The following MBD5 variants were observed in gnomAD, a reference collection of about 807,000 sequenced individuals.
MBD5 encodes the protein methyl-CpG-binding domain protein 5.
In MBD5, 13 loss-of-function variants were observed where a neutral mutation model predicts 117.3. The observed-to-expected ratio is 0.11, with a 90% CI of 0.07 to 0.18. The LOEUF (loss-of-function observed/expected upper bound fraction) is 0.18. Among genes scored for constraint, MBD5 ranks in the 10% least tolerant of loss-of-function variants. The pLI is 1.00. For missense variants in MBD5, 1,879 were observed against 2,093.8 expected (o/e 0.90, Z 2.00); for synonymous variants, 727 against 766.4 (o/e 0.95, Z 0.85).
intron 5 of MBD5, among the ~76,000 whole-genome samples, chr2:148,462,314 A>G (rs1376248005): frequency 6.6e-6 from 1 of 151,914 alleles, no homozygotes; most frequent in African/African-American, 2.4e-5. Flanking sequence ...CATTTTTACC[A>G]CCTTTAGTCT....
At chr2:148,343,464 A>G (rs561196686) in intron 4 of MBD5, among the ~76,000 whole-genome samples, 3 of 152,216 alleles carry the variant, frequency 2.0e-5, no homozygotes, top group East Asian at 3.9e-4. Flanking sequence ...AATAATAGCC[A>G]TTCTGACTGG....
rs183242620 is a variant in MBD5 at position 148,227,352 on chromosome 2, A to G, written c.-830-5893A>G. On this transcript the variant is annotated intron_variant, in intron 2 of 13. Coordinates refer to ENST00000642680, the MANE Select transcript of MBD5 (RefSeq NM_001378120.1). ...CATATGGCTAGCCAGTTTTCCCAGC[A>G]TCATTTATTAAATAGGGAATCCTTT... 6.5e-3 allele frequency among the ~76,000 whole-genome samples: 985 copies of G among 152,294 alleles called. 9 individuals are homozygous for G. The highest frequency in any genetic ancestry group is 0.011 in the Non-Finnish European group (745 of 68,016).
chr2:148,290,656 T>G (rs900991051), intron 3 of MBD5, among the ~76,000 whole-genome samples: 2 of 152,210 alleles, frequency 1.3e-5, no homozygotes, highest in Non-Finnish European at 2.9e-5. Context: ...AGTACAGTAT[T>G]TTTAATGTTC....
intron 1 of MBD5, among the ~76,000 whole-genome samples, chr2:148,064,358 C>G (rs1219988877): frequency 6.6e-6 from 1 of 151,606 alleles, no homozygotes; most frequent in Non-Finnish European, 1.5e-5. Flanking sequence ...CTCGTGATCC[C>G]CTCGCCTCGG....
chr2:148,472,450 C>T (rs113182817), intron 8 of MBD5: 12 of 152,122 alleles, frequency 7.9e-5, no homozygotes, highest in African/African-American at 2.4e-4. Context: ...TACTAATTAA[C>T]GTGCATAGGT....
chr2:148,401,836 G>A (rs1704932317), intron 4 of MBD5, among the ~76,000 whole-genome samples: 2 of 151,958 alleles, frequency 1.3e-5, no homozygotes, highest in Admixed American at 6.6e-5. Flanking sequence ...TAGTTTTCAT[G>A]TCTCCATCAT....
At chr2:148,494,005 T>C (rs1681611411) in intron 11 of MBD5, among the ~76,000 whole-genome samples, 1 of 152,204 alleles carries the variant, frequency 6.6e-6, no homozygotes, top group African/African-American at 2.4e-5. Flanking sequence ...AATATTAATT[T>C]CTATTCAAAG....
At chr2:148,363,437 G>A (rs559478582) in intron 4 of MBD5, among the ~76,000 whole-genome samples, 5 of 152,170 alleles carry the variant, frequency 3.3e-5, no homozygotes, top group Admixed American at 1.3e-4. Flanking sequence ...GTTTCGCTGT[G>A]TTAGCCAGGA....
intron 3 of MBD5, among the ~76,000 whole-genome samples, chr2:148,247,662 A>ATT (rs70992200): frequency 6.6e-6 from 1 of 151,678 alleles, no homozygotes; most frequent in East Asian, 1.9e-4. Context: ...AACAATTAAC[A>ATT]GTCTTTTCCT....
chr2:148,478,388 G>A (rs1356582152), intron 8 of MBD5, among the ~76,000 whole-genome samples: 2 of 152,064 alleles, frequency 1.3e-5, no homozygotes, highest in East Asian at 1.9e-4. Context: ...TTCGAGACCA[G>A]CCTGGACAAT....
chr2:148,111,576 A>G (rs1352887625), intron 1 of MBD5, among the ~76,000 whole-genome samples: 1 of 152,218 alleles, frequency 6.6e-6, no homozygotes, highest in African/African-American at 2.4e-5. Flanking sequence ...ATTATAGATT[A>G]TATCACATTA....
At chr2:148,135,609 G>A (rs1288758120) in intron 1 of MBD5, among the ~76,000 whole-genome samples, 1 of 152,052 alleles carries the variant, frequency 6.6e-6, no homozygotes, top group Non-Finnish European at 1.5e-5. Context: ...TCTTTGATTT[G>A]TGTACCCTTG....
Position 148,328,905 on chromosome 2 carries a change from A to T in MBD5, c.-679-13309A>T, listed in dbSNP as rs560849513. 3.3e-5 allele frequency among the ~76,000 whole-genome samples: 5 copies of T among 152,340 alleles called. No individual in the cohort carries two copies. The East Asian group carries it at 5.8e-4, about 18-fold the overall frequency. On this transcript the variant is annotated intron_variant, in intron 3 of 13. Transcript: ENST00000642680. Reference sequence around the variant, plus strand: ...CAACAGGGCATCTTTAATTAAAGTTATCTTTAATTCAAGAATATCATTCTT... The same window carrying T: ...CAACAGGGCATCTTTAATTAAAGTTTTCTTTAATTCAAGAATATCATTCTT...
intron 3 of MBD5, among the ~76,000 whole-genome samples, chr2:148,333,548 T>A (rs940598598): frequency 1.3e-5 from 2 of 151,810 alleles, no homozygotes; most frequent in Admixed American, 6.6e-5. Flanking sequence ...CCTTCAAAAT[T>A]CCCCAGTTCA....
At chr2:148,362,223 C>A (rs1183869319) in intron 4 of MBD5, among the ~76,000 whole-genome samples, 1 of 152,210 alleles carries the variant, frequency 6.6e-6, no homozygotes, top group East Asian at 1.9e-4. Context: ...GCGCAGCAAG[C>A]TAAGATCCAC....
chr2:148,287,657 A>G (rs904946855), intron 3 of MBD5, among the ~76,000 whole-genome samples: 1 of 152,210 alleles, frequency 6.6e-6, no homozygotes, highest in African/African-American at 2.4e-5. Flanking sequence ...GTCCAAGGTC[A>G]AGGGGCCTGC....
chr2:148,081,904 T>C (rs1415743504), intron 1 of MBD5, among the ~76,000 whole-genome samples: 2 of 152,142 alleles, frequency 1.3e-5, no homozygotes, highest in South Asian at 2.1e-4. Flanking sequence ...ATCTTGAGAG[T>C]GATTGCATTT....
intron 1 of MBD5, among the ~76,000 whole-genome samples, chr2:148,148,867 C>A (rs1315215889): frequency 1.3e-5 from 2 of 151,988 alleles, no homozygotes; most frequent in African/African-American, 4.8e-5. Context: ...TCTCTATATG[C>A]CCTTGTGGGC....
chr2:148,171,365 A>G (rs1416977189), intron 1 of MBD5, among the ~76,000 whole-genome samples: 1 of 152,240 alleles, frequency 6.6e-6, no homozygotes, highest in African/African-American at 2.4e-5. Context: ...TTGCCTTAAC[A>G]GAGTGAAGGA....
Sources: gnomAD v4.1 joint callset for allele counts (sites outside exome capture counted in the v4.1 genomes callset) on GRCh38, gnomAD v4.1.1 for gene constraint, MANE v1.5 for transcripts, NCBI Gene and HGNC (gene_info 2026-07-23, HGNC 2026-07-21) for gene names.